Variants in ADCY2 observed in about 807,000 individuals in gnomAD.
The protein encoded by ADCY2 is adenylate cyclase type 2.
ADCY2 carries 31 observed loss-of-function variants against 125.2 expected under a neutral mutation model. The observed-to-expected ratio is 0.25, with a 90% CI of 0.19 to 0.33. The LOEUF (loss-of-function observed/expected upper bound fraction) is 0.33. Among genes scored for constraint, ADCY2 ranks in the 10% least tolerant of loss-of-function variants. The probability of loss-of-function intolerance (pLI) is 1.00; values close to 1 mark genes in which losing one functional copy is unlikely to be tolerated. For synonymous variants in ADCY2, 512 were observed against 548.4 expected, an observed-to-expected ratio of 0.93 and a Z score of 0.93; for missense variants, 904 against 1,418.2, an observed-to-expected ratio of 0.64 and a Z score of 5.82.
intron 22 of ADCY2, among the ~76,000 whole-genome samples, chr5:7,806,455 G>A (rs1275565313): frequency 2.6e-5 from 4 of 152,166 alleles, no homozygotes; most frequent in Non-Finnish European, 5.9e-5. Flanking sequence ...CAGGCTGGGT[G>A]GCTTAAATGA....
At chr5:7,662,691 C>T (rs1249060320) in intron 4 of ADCY2, among the ~76,000 whole-genome samples, 1 of 152,240 alleles carries the variant, frequency 6.6e-6, no homozygotes, top group East Asian at 1.9e-4. Flanking sequence ...CCGCGGTTTC[C>T]TCCATCATCC....
intron 4 of ADCY2, among the ~76,000 whole-genome samples, chr5:7,644,923 C>T (rs1371170645): frequency 6.6e-6 from 1 of 152,150 alleles, no homozygotes; most frequent in Admixed American, 6.6e-5. Context: ...AAGGGCGAGT[C>T]TGTTAACACC....
chr5:7,443,436 A>C (rs1054152379), intron 2 of ADCY2, among the ~76,000 whole-genome samples: 2 of 151,776 alleles, frequency 1.3e-5, no homozygotes, highest in African/African-American at 4.8e-5. Context: ...GTGGATCACG[A>C]GGTCAGGAGA....
At chr5:7,433,544 T>C (rs1740685555) in intron 2 of ADCY2, among the ~76,000 whole-genome samples, 1 of 151,952 alleles carries the variant, frequency 6.6e-6, no homozygotes, top group Admixed American at 6.6e-5. Flanking sequence ...AGCCAAAGAA[T>C]GAAATATTCT....
chr5:7,622,471 G>T (rs1737985446), intron 3 of ADCY2, among the ~76,000 whole-genome samples: 1 of 152,182 alleles, frequency 6.6e-6, no homozygotes, highest in Non-Finnish European at 1.5e-5. Context: ...TTGCTTAAAA[G>T]TTTTCCTTTG....
chr5:7,768,414 A>G (rs1011817306), intron 17 of ADCY2, among the ~76,000 whole-genome samples: 27 of 152,196 alleles, frequency 1.8e-4, no homozygotes, highest in African/African-American at 6.5e-4. Context: ...GTTAGCATCC[A>G]TATGATCCAT....
intron 3 of ADCY2, among the ~76,000 whole-genome samples, chr5:7,614,473 A>G (rs1412365935): frequency 6.6e-6 from 1 of 152,192 alleles, no homozygotes; most frequent in Admixed American, 6.5e-5. Flanking sequence ...TCAACCTCTA[A>G]GACTCAAACC....
intron 4 of ADCY2, among the ~76,000 whole-genome samples, chr5:7,630,788 C>CTT (rs149391909): frequency 0.031 from 4,122 of 132,154 alleles, 278 homozygotes; most frequent in African/African-American, 0.12. Context: ...CTCTCCTTGT[C>CTT]TTTTTTTTTT....
At chr5:7,743,794 T>C (rs1742517552) in intron 15 of ADCY2, 42 bp downstream of exon 15, 3 of 1,586,182 alleles carry the variant, frequency 1.9e-6, no homozygotes, top group Non-Finnish European at 2.6e-6. Context: ...AGTATGCTCA[T>C]TTCATGAAAG....
At chr5:7,758,437 G>A (rs1743087160) in intron 16 of ADCY2, among the ~76,000 whole-genome samples, 1 of 152,250 alleles carries the variant, frequency 6.6e-6, no homozygotes. Flanking sequence ...GAAATGCAGT[G>A]TTAGGAGATG....
intron 4 of ADCY2, among the ~76,000 whole-genome samples, chr5:7,673,473 G>A (rs1192876080): frequency 6.6e-6 from 1 of 151,556 alleles, no homozygotes; most frequent in Non-Finnish European, 1.5e-5. Flanking sequence ...AACCTACAAT[G>A]TGCACGAAAC....
intron 3 of ADCY2, among the ~76,000 whole-genome samples, chr5:7,542,646 A>G (rs767431712): frequency 6.6e-6 from 1 of 152,250 alleles, no homozygotes; most frequent in East Asian, 1.9e-4. Flanking sequence ...GCACCCTGGC[A>G]TTCGCCACGC....
chr5:7,535,297 C>A (rs978956946), intron 3 of ADCY2, among the ~76,000 whole-genome samples: 1 of 152,152 alleles, frequency 6.6e-6, no homozygotes, highest in African/African-American at 2.4e-5. Flanking sequence ...CCCGCCTTGG[C>A]CTCCCGAAGT....
intron 2 of ADCY2, among the ~76,000 whole-genome samples, chr5:7,470,811 G>T (rs1742308447): frequency 1.3e-5 from 2 of 151,372 alleles, no homozygotes; most frequent in East Asian, 3.9e-4. Flanking sequence ...TGTTTTTTCA[G>T]GTTTCTCCTC....
At chr5:7,490,868 T>C (rs1743138091) in intron 2 of ADCY2, among the ~76,000 whole-genome samples, 1 of 152,188 alleles carries the variant, frequency 6.6e-6, no homozygotes, top group Non-Finnish European at 1.5e-5. Flanking sequence ...TCACCGTAAG[T>C]CAGGTGTCTG....
chr5:7,407,219 A>G (rs1739528860), intron 1 of ADCY2, among the ~76,000 whole-genome samples: 1 of 152,218 alleles, frequency 6.6e-6, no homozygotes. Flanking sequence ...TTATCTCCAC[A>G]GTTACTCAGA....
rs1375610366 is a variant in ADCY2, at chr5:7,465,093, ACC to A, written c.408+50324_408+50325del. Among the ~76,000 whole-genome samples, 312 of 152,244 alleles carry A rather than the reference ACC, an allele frequency of 2.0e-3. 1 individual carries two copies. Among genetic ancestry groups the A allele is most frequent in the African/African-American group, 7.2e-3 (300 of 41,540 alleles). On this transcript the variant is annotated intron_variant, in intron 2 of 24. Coordinates refer to ENST00000338316, the MANE Select transcript of ADCY2 (RefSeq NM_020546.3). ...ACTACTATGAGAACAGTATGGGGGAACCACCCCCATGATTCAGTTATCTCCCA... is the reference window on the plus strand; with the variant it reads ...ACTACTATGAGAACAGTATGGGGGAAACCCCCATGATTCAGTTATCTCCCA...
At position 7,802,702 on chromosome 5, in the gene ADCY2, T is replaced by C. The variant is rs1744635292; in HGVS notation, c.2775+338T>C. ...TTCTAGATAAAAAGATAATGAATTA[T>C]AATAGACTATTGGTGTGTCTGTGCC... On this transcript the variant is annotated intron_variant, in intron 21 of 24. Transcript: ENST00000338316. The surrounding 1 kb of genome is among the most constrained non-coding windows in gnomAD (Gnocchi z 4.6). 1.3e-5 allele frequency among the ~76,000 whole-genome samples: 2 copies of C among 152,344 alleles called. No individual in the cohort carries two copies. Among genetic ancestry groups the C allele is most frequent in the East Asian group, 1.9e-4 (1 of 5,190 alleles).
At chr5:7,572,174 T>C (rs77781866) in intron 3 of ADCY2, among the ~76,000 whole-genome samples, 1 of 152,200 alleles carries the variant, frequency 6.6e-6, no homozygotes, top group Admixed American at 6.6e-5. Flanking sequence ...GATTGCTGGG[T>C]TAAATGGTAT....
Sources: gnomAD v4.1 joint callset for allele counts (sites outside exome capture counted in the v4.1 genomes callset) on GRCh38, gnomAD v4.1.1 for gene constraint, Gnocchi (gnomAD v3.1) non-coding constraint, MANE v1.5 for transcripts, NCBI Gene and HGNC (gene_info 2026-07-23, HGNC 2026-07-21) for gene names.